The following FPGT variants were observed in gnomAD, a reference collection of about 807,000 sequenced individuals.
FPGT encodes GDP-L-fucose diphosphorylase.
FPGT carries 41 observed loss-of-function variants against 45.8 expected under a neutral mutation model. The ratio of observed to expected loss-of-function variants is 0.90; its 90% CI spans 0.70 to 1.16. The LOEUF is 1.16. Ranked by LOEUF, FPGT falls within the 50% of genes most tolerant of loss-of-function variation. The pLI is 0.00. For synonymous variants in FPGT, 292 were observed against 247.2 expected (o/e 1.18, Z -1.70); for missense variants, 755 against 689.1 (o/e 1.10, Z -1.07).
At chr1:74,200,497 CTTTTTTTTTT>C (rs202228945) in intron 2 of FPGT, among the ~76,000 whole-genome samples, 1 of 106,566 alleles carries the variant, frequency 9.4e-6, no homozygotes, top group Non-Finnish European at 1.8e-5. Context: ...GTTATTATTT[CTTTTTTTTTT>C]TTTTTTTTTT....
At position 74,204,541 on chromosome 1, in the gene FPGT, C is replaced by T. The variant is rs1402800263; in HGVS notation, c.494C>T (p.Thr165Ile). The change falls in exon 4 of 4, where the codon ACC becomes ATC. Residue 165 changes from threonine (T) to isoleucine (I), a missense_variant. Thr to Ile is a moderately conservative substitution (Grantham distance 89). Coordinates refer to ENST00000370898, the MANE Select transcript of FPGT (RefSeq NM_003838.5). The stretch of plus-strand genomic sequence containing the variant: ...AATATGAATCCTGGAATTCTGGTTA[C>T]CTGTGCAGATGATATTGAACTTTAT... ...PLNMNPGILV[T>I]CADDIELYSI... The T allele has an allele frequency of 6.2e-7, 1 of 1,608,372 alleles. No homozygotes were observed. The highest frequency in any genetic ancestry group is 8.5e-7 in the Non-Finnish European group (1 of 1,174,874).
intron 3 of FPGT, among the ~76,000 whole-genome samples, chr1:74,202,982 T>C (rs1651933406): frequency 6.6e-6 from 1 of 152,204 alleles, no homozygotes; most frequent in African/African-American, 2.4e-5. Flanking sequence ...AAAGACCTCC[T>C]GAAGGACCTG....
At chr1:74,203,964 C>G (rs1652040152) in intron 3 of FPGT, among the ~76,000 whole-genome samples, 1 of 151,628 alleles carries the variant, frequency 6.6e-6, no homozygotes, top group African/African-American at 2.4e-5. Flanking sequence ...ATCGCTTGAA[C>G]CTGGGACACG....
At chr1:74,200,090 T>C (rs1651648310) in intron 2 of FPGT, among the ~76,000 whole-genome samples, 1 of 152,194 alleles carries the variant, frequency 6.6e-6, no homozygotes, top group African/African-American at 2.4e-5. Context: ...ATTCACACTA[T>C]TCAGATAGGA....
chr1:74,201,219 C>A, intron 2 of FPGT, 99 bp from the exon 3 acceptor site: 3 of 916,406 alleles, frequency 3.3e-6, no homozygotes, highest in South Asian at 1.6e-5. Flanking sequence ...TCCTGAAAGG[C>A]AAATCCTTAA....
At chr1:74,199,998 G>C (rs922642773) in intron 2 of FPGT, among the ~76,000 whole-genome samples, 167 bp downstream of exon 2, 1 of 152,122 alleles carries the variant, frequency 6.6e-6, no homozygotes, top group Non-Finnish European at 1.5e-5. Flanking sequence ...AAAAGGAATA[G>C]CAACTGTTCT....
At chr1:74,199,386 T>A (rs1357865636) in intron 1 of FPGT, among the ~76,000 whole-genome samples, 1 of 152,176 alleles carries the variant, frequency 6.6e-6, no homozygotes, top group Non-Finnish European at 1.5e-5. Flanking sequence ...CAAGAAACAT[T>A]ATGTCATTCA....
chr1:74,204,798 C>A lies in FPGT; in HGVS notation c.751C>A (p.Gln251Lys). Residue 251 changes from glutamine (Q) to lysine (K), a missense_variant, in exon 4 of 4, where the codon CAG (glutamine) becomes AAG (lysine). Physicochemically the swap from Gln to Lys is moderately conservative, Grantham distance 53 (BLOSUM62 1). Coordinates refer to ENST00000370898, the MANE Select transcript of FPGT (RefSeq NM_003838.5). ...GTGTAGACCTGGAAATTTTTGTCAA[C>A]AGGACTTTGCTGGGGGTGACATTGC... ...AVCRPGNFCQ[Q>K]DFAGGDIADL... 4 of 1,613,772 alleles carry A rather than the reference C, an allele frequency of 2.5e-6. No individual in the cohort carries two copies. The highest frequency in any genetic ancestry group is 2.5e-6 in the Non-Finnish European group (3 of 1,179,900).
chr1:74,201,313 T>A lies in FPGT; in HGVS notation c.251-5T>A. 2 of 1,605,544 alleles carry A rather than the reference T, an allele frequency of 1.2e-6. No homozygotes were observed. Among genetic ancestry groups the A allele is most frequent in the Non-Finnish European group, 1.7e-6 (2 of 1,177,390 alleles). On this transcript the variant is annotated splice_region_variant and splice_polypyrimidine_tract_variant and intron_variant, in intron 2 of 3. Transcript: ENST00000370898. ...AAATTGTGCTTTTTTAACTTTGTTT[T>A]TAAGGAAATGGAGGATCAACACTTT...
Position 74,198,268 on chromosome 1 carries a change from A to G in FPGT, c.-11A>G, listed in dbSNP as rs200750484. 1 of 1,613,342 alleles carries G rather than the reference A, an allele frequency of 6.2e-7. No individual in the cohort carries two copies. Among genetic ancestry groups the G allele is most frequent in the Non-Finnish European group, 8.5e-7 (1 of 1,179,600 alleles). On this transcript the variant is annotated 5_prime_UTR_variant, in exon 1 of 4. Transcript: ENST00000370898. Reference sequence around the variant, plus strand: ...CGTGCTGTGCGGCGCGGTCTCAGGGAAGGTGGGGCTATGGCAGCTGCTAGG... The same window carrying G: ...CGTGCTGTGCGGCGCGGTCTCAGGGGAGGTGGGGCTATGGCAGCTGCTAGG...
chr1:74,202,089 C>G (rs1253088990), intron 3 of FPGT, among the ~76,000 whole-genome samples: 1 of 152,156 alleles, frequency 6.6e-6, no homozygotes, highest in African/African-American at 2.4e-5. Flanking sequence ...AGAAATCACA[C>G]ACACAAAATA....
chr1:74,199,836 G>A lies in FPGT; in HGVS notation c.250+5G>A, dbSNP rs201351675. 62 of 1,612,362 alleles carry A rather than the reference G, an allele frequency of 3.8e-5. No homozygotes were observed. The highest frequency in any genetic ancestry group is 1.6e-4 in the Middle Eastern group (1 of 6,068). ...ATCCTGCTGGAGCCAAAATTGGTAC[G>A]CGCTTTATGGTCAGTTTTATAATAT... On this transcript the variant is annotated splice_donor_5th_base_variant and intron_variant, in intron 2 of 3. Transcript: ENST00000370898.
intron 3 of FPGT, among the ~76,000 whole-genome samples, chr1:74,203,800 G>A (rs1652023756): frequency 6.6e-6 from 1 of 151,974 alleles, no homozygotes; most frequent in Admixed American, 6.5e-5. Context: ...CCAGCACTTT[G>A]GGAGGCCGAG....
chr1:74,206,067 T>C lies in FPGT; in HGVS notation c.*235T>C. 2.9e-6 allele frequency: 1 copy of C among 341,794 alleles called. No individual in the cohort carries two copies. Among genetic ancestry groups the C allele is most frequent in the Non-Finnish European group, 5.3e-6 (1 of 189,638 alleles). The allele number at this position is 341,794 out of a possible 1,614,324, so 21.2% of individuals were successfully genotyped here. ...GTATCAGTATTTTTGTTTTTAATAA[T>C]GATTGATTTGTGGAGCATTGTTTTT... On this transcript the variant is annotated 3_prime_UTR_variant, in exon 4 of 4. Coordinates refer to ENST00000370898, the MANE Select transcript of FPGT (RefSeq NM_003838.5).
chr1:74,198,417 GT>G (rs1557668609), intron 1 of FPGT, 57 bp downstream of exon 1: 1 of 1,598,046 alleles, frequency 6.3e-7, no homozygotes, highest in African/African-American at 1.3e-5. Flanking sequence ...GTGCTTTTAC[GT>G]GCCAGGAGGT....
At position 74,205,735 on chromosome 1, in the gene FPGT, C is replaced by G; in HGVS notation, c.1688C>G (p.Ser563Cys). Residue 563 changes from serine (S) to cysteine (C), a missense_variant, in exon 4 of 4, where the codon TCC becomes TGC. Transcript: ENST00000370898. ...AGCCTGAATAGCTATAAGTTGCTGT[C>G]CATTGAAGAAATGCTTATCTACAAA... The part of the protein sequence containing the change: ...AFSLNSYKLL[S>C]IEEMLIYKDV... The G allele has an allele frequency of 6.2e-7, 1 of 1,603,852 alleles. No homozygotes were observed. Among genetic ancestry groups the G allele is most frequent in the Non-Finnish European group, 8.5e-7 (1 of 1,170,862 alleles).
chr1:74,205,849 G>C lies in FPGT; in HGVS notation c.*17G>C, dbSNP rs1440234004. The C allele has an allele frequency of 1.4e-6, 2 of 1,412,840 alleles. No homozygotes were observed. Among genetic ancestry groups the C allele is most frequent in the South Asian group, 1.3e-5 (1 of 76,302 alleles). The allele number at this position is 1,412,840 out of a possible 1,614,324, so 87.5% of individuals were successfully genotyped here. Reference sequence around the variant, plus strand: ...TTGATGTAGAGATATTTTAAATATTGTACACTTTGCCTTTTTGAGTAACAT... The same window carrying C: ...TTGATGTAGAGATATTTTAAATATTCTACACTTTGCCTTTTTGAGTAACAT... On this transcript the variant is annotated 3_prime_UTR_variant, in exon 4 of 4. Transcript: ENST00000370898.
At chr1:74,201,549 T>C in intron 3 of FPGT, 139 bp downstream of exon 3, 2 of 605,232 alleles carry the variant, frequency 3.3e-6, no homozygotes, top group Non-Finnish European at 5.4e-6. Flanking sequence ...AAAACAAATA[T>C]TTTATGATTT....
chr1:74,199,485 A>G (rs1651564225), intron 1 of FPGT, among the ~76,000 whole-genome samples, 179 bp from the exon 2 acceptor site: 1 of 152,226 alleles, frequency 6.6e-6, no homozygotes, highest in South Asian at 2.1e-4. Context: ...CTTCATTATA[A>G]CTATTTTGAA....
Sources: gnomAD v4.1 joint callset for allele counts (sites outside exome capture counted in the v4.1 genomes callset) on GRCh38, gnomAD v4.1.1 for gene constraint, MANE v1.5 for transcripts, NCBI Gene and HGNC (gene_info 2026-07-23, HGNC 2026-07-21) for gene names.